Variants in NDST3 observed in about 807,000 individuals in gnomAD.
The protein encoded by NDST3 is N-deacetylase and N-sulfotransferase 3.
NDST3 carries 58 observed loss-of-function variants against 96.1 expected under a neutral mutation model. The observed-to-expected ratio is 0.60, with a 90% CI of 0.49 to 0.75. NDST3 has a LOEUF of 0.75. Ranked by LOEUF, NDST3 falls within the 30% of genes least tolerant of loss-of-function variation. The pLI is 0.00. For missense variants in NDST3, 788 were observed against 1,034.2 expected, an observed-to-expected ratio of 0.76 and a Z score of 3.27; for synonymous variants, 333 against 359.7, an observed-to-expected ratio of 0.93 and a Z score of 0.84.
At chr4:118,243,080 C>T (rs138915007) in intron 12 of NDST3, among the ~76,000 whole-genome samples, 3 of 151,080 alleles carry the variant, frequency 2.0e-5, no homozygotes, top group Non-Finnish European at 4.4e-5. Flanking sequence ...TGACTCACAC[C>T]GTAAGTTGGT....
At chr4:118,122,634 C>G (rs1731697653) in intron 4 of NDST3, among the ~76,000 whole-genome samples, 1 of 152,028 alleles carries the variant, frequency 6.6e-6, no homozygotes, top group Non-Finnish European at 1.5e-5. Flanking sequence ...CGTTTTTTTC[C>G]TTTAATTTTT....
At chr4:118,238,151 AAAGAAAAGAAAG>A (rs1560738476) in intron 10 of NDST3, among the ~76,000 whole-genome samples, 8 of 68,728 alleles carry the variant, frequency 1.2e-4, no homozygotes, top group Non-Finnish European at 2.3e-4. Context: ...GAGAGAAAAG[AAAGAAAAGAAAG>A]AAAGAAAGAA....
upstream of NDST3, chr4:118,033,527 C>T (rs1723987941): frequency 1.3e-5 from 2 of 151,870 alleles, no homozygotes; most frequent in African/African-American, 2.4e-5. Flanking sequence ...GAGGCGGCTC[C>T]CGTCCTCAGC....
chr4:118,181,814 G>A (rs1475636864), intron 6 of NDST3, among the ~76,000 whole-genome samples: 2 of 152,032 alleles, frequency 1.3e-5, no homozygotes, highest in Non-Finnish European at 2.9e-5. Flanking sequence ...AGCAGTTTTA[G>A]GTATATTTAG....
chr4:118,138,088 T>C lies in NDST3; in HGVS notation c.1259T>C (p.Val420Ala). 6.2e-7 allele frequency: 1 copy of C among 1,613,332 alleles called. No homozygotes were observed. The highest frequency in any genetic ancestry group is 8.5e-7 in the Non-Finnish European group (1 of 1,179,602). The change falls in exon 5 of 14, where the codon GTG becomes GCG. Residue 420 changes from valine to alanine, a missense_variant. This residue lies in a region of NDST3 where 490 missense variants were observed against 708.8 expected (regional missense o/e 0.69). Transcript: ENST00000296499. ...ATTCCAACGGACATGGGCTACGCTG[T>C]GGCCCCTCACCATTCGGGCGTCTAC... The part of the protein sequence containing the change: ...HGIPTDMGYA[V>A]APHHSGVYPV...
Position 118,194,382 on chromosome 4 carries a change from T to C in NDST3, c.1540-30109T>C, listed in dbSNP as rs148781687. On this transcript the variant is annotated intron_variant, in intron 6 of 13. Transcript: ENST00000296499. ...CTCCACCTCAAACACGAGTGTGGCATTGGGGAGATCTTTGGAGGACTGCCT... is the reference window on the plus strand; with the variant it reads ...CTCCACCTCAAACACGAGTGTGGCACTGGGGAGATCTTTGGAGGACTGCCT... The C allele has an allele frequency of 3.3e-4, 241 of 730,652 alleles. No homozygotes were observed. In the African/African-American group the frequency reaches 3.5e-3, roughly 11 times the overall value. The allele number at this position is 730,652 out of a possible 1,614,324, so 45.3% of individuals were successfully genotyped here. A position where few individuals can be genotyped will look rare whatever the true frequency, so the allele number is the denominator to read the frequency against.
intron 2 of NDST3, chr4:118,055,610 C>A (rs575091307): frequency 6.6e-6 from 1 of 152,026 alleles, no homozygotes; most frequent in African/African-American, 2.4e-5. Flanking sequence ...GTTACATAAA[C>A]AGCTGATTGT....
At chr4:118,201,960 G>C (rs564526855) in intron 6 of NDST3, among the ~76,000 whole-genome samples, 73 of 152,190 alleles carry the variant, frequency 4.8e-4, no homozygotes, top group African/African-American at 1.7e-3. Context: ...GTTAATTTTT[G>C]TATATGGTGA....
At chr4:118,094,699 T>C (rs1729150427) in intron 2 of NDST3, among the ~76,000 whole-genome samples, 1 of 151,884 alleles carries the variant, frequency 6.6e-6, no homozygotes, top group South Asian at 2.1e-4. Context: ...AAGACTCTAT[T>C]GGGAGCCTAC....
intron 4 of NDST3, among the ~76,000 whole-genome samples, chr4:118,116,192 T>A (rs906363088): frequency 6.6e-6 from 1 of 152,200 alleles, no homozygotes; most frequent in Non-Finnish European, 1.5e-5. Context: ...AAATCTAGAC[T>A]GTTGATATTG....
intron 2 of NDST3, among the ~76,000 whole-genome samples, chr4:118,096,695 A>ATAGATAGG (rs1729340577): frequency 6.6e-6 from 1 of 151,584 alleles, no homozygotes; most frequent in African/African-American, 2.4e-5. Flanking sequence ...AGATAGATAG[A>ATAGATAGG]TAGATAGATA....
At chr4:118,035,913 C>A (rs1724125182) in intron 1 of NDST3, among the ~76,000 whole-genome samples, 1 of 151,884 alleles carries the variant, frequency 6.6e-6, no homozygotes. Flanking sequence ...TTATCTCTTT[C>A]TGGAGATATT....
chr4:118,222,965 G>A (rs529088499), intron 6 of NDST3, among the ~76,000 whole-genome samples: 34 of 151,970 alleles, frequency 2.2e-4, no homozygotes, highest in African/African-American at 7.2e-4. Context: ...TATTATTCAA[G>A]TGAAATATGA....
rs768400478 is a variant in NDST3 at position 118,114,799 on chromosome 4, C to CG, written c.1070-7_1070-6insG. On this transcript the variant is annotated splice_polypyrimidine_tract_variant and splice_region_variant and intron_variant, in intron 3 of 13. Transcript: ENST00000296499. ...GAATTAATTGGATAATATTTCCCCCCCTAAAGGAACTGAAGAGGAAGATGA... is the reference window on the plus strand; with the variant it reads ...GAATTAATTGGATAATATTTCCCCCCGCTAAAGGAACTGAAGAGGAAGATGA... 9.3e-6 allele frequency: 15 copies of CG among 1,613,038 alleles called. No homozygotes were observed. Among genetic ancestry groups the CG allele is most frequent in the East Asian group, 4.5e-5 (2 of 44,872 alleles).
chr4:118,116,553 T>C lies in NDST3; in HGVS notation c.1224+1593T>C, dbSNP rs546306112. On this transcript the variant is annotated intron_variant, in intron 4 of 13. Coordinates refer to ENST00000296499, the MANE Select transcript of NDST3 (RefSeq NM_004784.3). ...TAAAACATTTGCAGATATTTGGAAGTACATATCCTAAGAATATACTTAGGC... is the reference window on the plus strand; with the variant it reads ...TAAAACATTTGCAGATATTTGGAAGCACATATCCTAAGAATATACTTAGGC... Among the ~76,000 whole-genome samples, 3 of 152,334 alleles carry C rather than the reference T, an allele frequency of 2.0e-5. No homozygotes were observed. The East Asian group carries it at 5.8e-4, about 29-fold the overall frequency.
intron 6 of NDST3, among the ~76,000 whole-genome samples, chr4:118,155,562 G>A (rs1734663174): frequency 6.6e-6 from 1 of 152,144 alleles, no homozygotes; most frequent in Non-Finnish European, 1.5e-5. Flanking sequence ...AATATATGTA[G>A]AGCTAACATT....
intron 2 of NDST3, among the ~76,000 whole-genome samples, chr4:118,093,242 C>T (rs939689958): frequency 9.9e-5 from 15 of 151,728 alleles, no homozygotes; most frequent in Admixed American, 7.9e-4. Flanking sequence ...ATATGTTTAT[C>T]GCTTCACAGA....
In NDST3 at chr4:118,094,135, G is replaced by A. The variant is rs563409633; in HGVS notation, c.982-10883G>A. Among the ~76,000 whole-genome samples the A allele has an allele frequency of 3.8e-4, 58 of 151,844 alleles. 1 individual carries two copies. The highest frequency in any genetic ancestry group is 3.8e-3 in the Admixed American group (57 of 15,178). On this transcript the variant is annotated intron_variant, in intron 2 of 13. Coordinates refer to ENST00000296499, the MANE Select transcript of NDST3 (RefSeq NM_004784.3). ...AATTAAGTTTCAACATATGTATTGT[G>A]GGGAACACATTCAGACCATAGCAAA... is the stretch of plus-strand genomic sequence containing the variant.
intron 8 of NDST3, among the ~76,000 whole-genome samples, chr4:118,229,830 T>C (rs1203242109): frequency 6.6e-6 from 1 of 152,230 alleles, no homozygotes; most frequent in Non-Finnish European, 1.5e-5. Flanking sequence ...TTATATCTCA[T>C]GTATGTAATT....
Sources: gnomAD v4.1 joint callset for allele counts (sites outside exome capture counted in the v4.1 genomes callset) on GRCh38, gnomAD v4.1.1 for gene constraint, gnomAD v4.1.1 regional missense constraint, MANE v1.5 for transcripts, NCBI Gene and HGNC (gene_info 2026-07-23, HGNC 2026-07-21) for gene names.